The following ATG7 variants were observed in gnomAD, a reference collection of about 807,000 sequenced individuals.
ATG7 encodes the protein autophagy related 7, also known as ubiquitin-like modifier-activating enzyme ATG7.
ATG7 carries 70 observed loss-of-function variants against 82.4 expected under a neutral mutation model. The ratio of observed to expected loss-of-function variants is 0.85; its 90% CI spans 0.70 to 1.04. ATG7 has a LOEUF of 1.04. Among genes scored for constraint, ATG7 ranks in the 50% least tolerant of loss-of-function variants. The pLI is 0.00. For missense variants in ATG7, 792 were observed against 864.3 expected (o/e 0.92, Z 1.05); for synonymous variants, 287 against 313.0 (o/e 0.92, Z 0.88).
intron 20 of ATG7, among the ~76,000 whole-genome samples, chr3:11,547,674 CA>C (rs2071410294): frequency 6.6e-6 from 1 of 152,182 alleles, no homozygotes; most frequent in South Asian, 2.1e-4. Context: ...ACATCCTTGT[CA>C]ACACTTACTA....
intron 13 of ATG7, among the ~76,000 whole-genome samples, chr3:11,343,231 A>C (rs1314853132): frequency 6.6e-6 from 1 of 152,134 alleles, no homozygotes; most frequent in Non-Finnish European, 1.5e-5. Flanking sequence ...GCCTGGCCAA[A>C]CATGTTTTTC....
At chr3:11,480,729 A>C (rs1574921726) in intron 20 of ATG7, among the ~76,000 whole-genome samples, 1 of 152,344 alleles carries the variant, frequency 6.6e-6, no homozygotes, top group African/African-American at 2.4e-5. Context: ...CAGGCTTCTC[A>C]GTGAATTTCC....
chr3:11,380,172 G>T, intron 19 of ATG7, 120 bp downstream of exon 19: 1 of 853,766 alleles, frequency 1.2e-6, no homozygotes, highest in South Asian at 1.5e-5. Flanking sequence ...GGAAGGGTGG[G>T]GTCTAAACCC....
intron 20 of ATG7, among the ~76,000 whole-genome samples, chr3:11,510,634 T>C (rs2092005605): frequency 6.6e-6 from 1 of 152,306 alleles, no homozygotes. Context: ...CTTGGAGGAC[T>C]GTCCTTTCTT....
chr3:11,418,425 A>G (rs985554325), intron 19 of ATG7, among the ~76,000 whole-genome samples: 12 of 152,196 alleles, frequency 7.9e-5, no homozygotes, highest in Non-Finnish European at 1.2e-4. Context: ...ACATATTTCA[A>G]TATGGCTTCT....
rs1028912116 is a variant in ATG7, at chr3:11,372,988, A to G, written c.1876-6984A>G. 5.3e-5 allele frequency among the ~76,000 whole-genome samples: 8 copies of G among 151,290 alleles called. 1 individual carries two copies. Among genetic ancestry groups the G allele is most frequent in the Admixed American group, 5.3e-4 (8 of 15,132 alleles). On this transcript the variant is annotated intron_variant, in intron 18 of 20. Coordinates refer to ENST00000693202, the MANE Select transcript of ATG7 (RefSeq NM_001349232.2). The stretch of plus-strand genomic sequence containing the variant: ...TTAAAAAATAGGAAAATGGAAGTAA[A>G]TATGTCATGGGAGTATGGGTTATTG...
At chr3:11,568,172 A>C in the ATG7 span, among the ~76,000 whole-genome samples, 2 of 152,234 alleles carry the variant, frequency 1.3e-5, no homozygotes, top group Non-Finnish European at 2.9e-5. The surrounding 1 kb of genome is among the most constrained non-coding windows in gnomAD (Gnocchi z 5.9). Flanking sequence ...GGAGGAGCAG[A>C]CTAAAGGTCA....
intron 18 of ATG7, among the ~76,000 whole-genome samples, chr3:11,366,462 C>T (rs1355807568): frequency 2.0e-5 from 3 of 152,070 alleles, no homozygotes; most frequent in Non-Finnish European, 4.4e-5. Context: ...ACCCAAAAGA[C>T]GCGGTAATAA....
intron 20 of ATG7, among the ~76,000 whole-genome samples, chr3:11,456,654 C>G (rs1161161807): frequency 6.6e-6 from 1 of 152,144 alleles, no homozygotes; most frequent in African/African-American, 2.4e-5. Context: ...GAAAAGAAGC[C>G]TTATTTCTTT....
At chr3:11,427,213 A>G (rs1472496272) in intron 20 of ATG7, among the ~76,000 whole-genome samples, 1 of 152,172 alleles carries the variant, frequency 6.6e-6, no homozygotes, top group African/African-American at 2.4e-5. Flanking sequence ...GAAGATCTGC[A>G]TGTGTATGAC....
At position 11,303,409 on chromosome 3, in the gene ATG7, C is replaced by A. The variant is rs111642560; in HGVS notation, c.216-3534C>A. Among the ~76,000 whole-genome samples the A allele has an allele frequency of 7.2e-5, 11 of 152,286 alleles. No individual in the cohort carries two copies. The East Asian group carries it at 1.5e-3, about 21-fold the overall frequency. On this transcript the variant is annotated intron_variant, in intron 5 of 20. Transcript: ENST00000693202. ...TTTCCGCCAGGCGCGGTGGCTCACGCCTGTAATCCCAGCACTTTGGGAGGC... is the reference window on the plus strand; with the variant it reads ...TTTCCGCCAGGCGCGGTGGCTCACGACTGTAATCCCAGCACTTTGGGAGGC...
intron 19 of ATG7, among the ~76,000 whole-genome samples, chr3:11,411,464 T>C (rs2080885495): frequency 6.6e-6 from 1 of 151,566 alleles, no homozygotes; most frequent in Non-Finnish European, 1.5e-5. Flanking sequence ...TCTCTAAAAA[T>C]ACAAAAATTA....
At chr3:11,321,560 A>G (rs1268174448) in intron 9 of ATG7, among the ~76,000 whole-genome samples, 1 of 152,208 alleles carries the variant, frequency 6.6e-6, no homozygotes, top group Non-Finnish European at 1.5e-5. Flanking sequence ...TTCAAATGTG[A>G]ATGATCTTAC....
chr3:11,408,927 A>G (rs948435711), intron 19 of ATG7, among the ~76,000 whole-genome samples: 3 of 152,118 alleles, frequency 2.0e-5, no homozygotes, highest in African/African-American at 7.2e-5. Flanking sequence ...ATCTTTTCAT[A>G]TGCTTACTTG....
In ATG7 at chr3:11,351,623, T is replaced by C. The variant is rs555817060; in HGVS notation, c.1284+3588T>C. Among the ~76,000 whole-genome samples the C allele has an allele frequency of 1.2e-4, 19 of 152,318 alleles. No homozygotes were observed. The South Asian group carries it at 3.5e-3, about 28-fold the overall frequency. On this transcript the variant is annotated intron_variant, in intron 14 of 20. Transcript: ENST00000693202. ...TCGAGCCTCTTCCTTCACACTTACA[T>C]TGTGTTACTCTGTTTTCCCTGTTGG... is the stretch of plus-strand genomic sequence containing the variant.
At chr3:11,341,690 C>A (rs1042716934) in intron 12 of ATG7, among the ~76,000 whole-genome samples, 1 of 152,062 alleles carries the variant, frequency 6.6e-6, no homozygotes, top group African/African-American at 2.4e-5. Flanking sequence ...TCAGGTGATC[C>A]GCCCGCTTTG....
At chr3:11,343,065 A>T (rs931989314) in intron 13 of ATG7, among the ~76,000 whole-genome samples, 1 of 151,890 alleles carries the variant, frequency 6.6e-6, no homozygotes, top group Non-Finnish European at 1.5e-5. Flanking sequence ...AGTAGCTGGG[A>T]CTACAGGTGT....
rs767753678 is a variant in ATG7, at chr3:11,360,746, G to T, written c.1645G>T (p.Gly549Cys). ...TGCCAACATCCCTGGTTACAAGCTT[G>T]GCTGCTACTTCTGCAATGATGTGGT... ...LFANIPGYKL[G>C]CYFCNDVVAP... The change falls in exon 16 of 21, where the codon GGC (glycine) becomes TGC (cysteine). Residue 549 changes from glycine to cysteine, a missense_variant. Physicochemically the swap from Gly to Cys is radical, Grantham distance 159. Transcript: ENST00000693202. The T allele has an allele frequency of 5.0e-6, 8 of 1,614,178 alleles. No individual in the cohort carries two copies.
chr3:11,438,075 A>C (rs1409299081), intron 20 of ATG7, among the ~76,000 whole-genome samples: 1 of 152,168 alleles, frequency 6.6e-6, no homozygotes, highest in Admixed American at 6.5e-5. Context: ...ATATCTTTTT[A>C]ATTCCCTTGA....
Sources: gnomAD v4.1 joint callset for allele counts (sites outside exome capture counted in the v4.1 genomes callset) on GRCh38, gnomAD v4.1.1 for gene constraint, Gnocchi (gnomAD v3.1) non-coding constraint, MANE v1.5 for transcripts, NCBI Gene and HGNC (gene_info 2026-07-23, HGNC 2026-07-21) for gene names.